The following LYSMD3 variants were observed in gnomAD, a reference collection of about 807,000 sequenced individuals.
LYSMD3 encodes LysM domain containing 3.
LYSMD3 carries 13 observed loss-of-function variants against 26.1 expected under a neutral mutation model. The observed-to-expected ratio is 0.50, with a 90% CI of 0.32 to 0.79. The LOEUF is 0.79. LYSMD3 is among the 30% of genes least tolerant of loss of function. The pLI is 0.03. For missense variants in LYSMD3, 331 were observed against 362.5 expected, an observed-to-expected ratio of 0.91 and a Z score of 0.71; for synonymous variants, 109 against 119.4, an observed-to-expected ratio of 0.91 and a Z score of 0.57.
chr5:90,523,336 G>A (rs1029669727), intron 2 of LYSMD3, among the ~76,000 whole-genome samples: 62 of 151,682 alleles, frequency 4.1e-4, no homozygotes, highest in African/African-American at 1.4e-3. Flanking sequence ...ATTGTGAATT[G>A]TAATAAGAAA....
rs745950907 is a variant in LYSMD3, at chr5:90,519,190, C to T, written c.550G>A (p.Glu184Lys). ...TGTGCTGTTAAGGCCGATACTACCT[C>T]ATTGAGGTTCTCTCTCTTATTGTCT... ...CTDNKRENLN[E>K]VVSALTAQQM... Residue 184 changes from glutamate to lysine, a missense_variant, in exon 3 of 3, where the codon GAG becomes AAG. Physicochemically the swap from Glu to Lys is moderately conservative, Grantham distance 56. Coordinates refer to ENST00000315948, the MANE Select transcript of LYSMD3 (RefSeq NM_198273.2). 4 of 1,613,906 alleles carry T rather than the reference C, an allele frequency of 2.5e-6. No individual in the cohort carries two copies. The highest frequency in any genetic ancestry group is 3.4e-6 in the Non-Finnish European group (4 of 1,179,978).
chr5:90,525,399 T>G (rs1291196646), intron 1 of LYSMD3, 99 bp from the exon 2 acceptor site: 17 of 1,192,168 alleles, frequency 1.4e-5, no homozygotes, highest in Non-Finnish European at 1.5e-5. Flanking sequence ...TTTGTTTTTG[T>G]TTTAATGGTT....
chr5:90,520,120 A>G (rs1753052790), intron 2 of LYSMD3, among the ~76,000 whole-genome samples: 1 of 152,116 alleles, frequency 6.6e-6, no homozygotes, highest in Non-Finnish European at 1.5e-5. Flanking sequence ...CTCAGTGTAA[A>G]TGCATTATTC....
Position 90,516,174 on chromosome 5 carries a change from A to C in LYSMD3, c.*2645T>G. 1 of 148,184 alleles carries C rather than the reference A, an allele frequency of 6.7e-6. No homozygotes were observed. The highest frequency in any genetic ancestry group is 1.9e-4 in the East Asian group (1 of 5,194). The allele number at this position is 148,184 out of a possible 1,614,324, so 9.2% of individuals were successfully genotyped here. A position where few individuals can be genotyped will look rare whatever the true frequency, so the allele number is the denominator to read the frequency against. On this transcript the variant is annotated 3_prime_UTR_variant, in exon 3 of 3. Coordinates refer to ENST00000315948, the MANE Select transcript of LYSMD3 (RefSeq NM_198273.2). ...AAAAGTCCTTTGGAGGAGATAATTTAACATGAGTCTTCTAATTTTTAATGT... is the reference window on the plus strand; with the variant it reads ...AAAAGTCCTTTGGAGGAGATAATTTCACATGAGTCTTCTAATTTTTAATGT...
intron 2 of LYSMD3, among the ~76,000 whole-genome samples, chr5:90,521,902 A>T (rs1173706560): frequency 6.6e-6 from 1 of 152,098 alleles, no homozygotes; most frequent in Non-Finnish European, 1.5e-5. Context: ...TACTTACTGT[A>T]TTTTTTAAAT....
At position 90,516,347 on chromosome 5, in the gene LYSMD3, T is replaced by C. The variant is rs934291855; in HGVS notation, c.*2472A>G. The C allele has an allele frequency of 6.6e-6, 1 of 152,158 alleles. No homozygotes were observed. Among genetic ancestry groups the C allele is most frequent in the Non-Finnish European group, 1.5e-5 (1 of 67,966 alleles). 9.4% of individuals were successfully genotyped at this position (152,158 alleles called of 1,614,324 possible). On this transcript the variant is annotated 3_prime_UTR_variant, in exon 3 of 3. Transcript: ENST00000315948. ...TTGTTTACTTGCTAACTCCAAAATT[T>C]TAAGTAAACCAAATGCAATGATTCT... is the stretch of plus-strand genomic sequence containing the variant.
Position 90,518,081 on chromosome 5 carries a change from C to T in LYSMD3, c.*738G>A, listed in dbSNP as rs1035034160. ...CAAAAGTGCTTTCAAATATCAGAGG[C>T]AAATATAATCATTTTAAAAACAGAT... On this transcript the variant is annotated 3_prime_UTR_variant, in exon 3 of 3. Coordinates refer to ENST00000315948, the MANE Select transcript of LYSMD3 (RefSeq NM_198273.2). 1.3e-5 allele frequency: 2 copies of T among 152,306 alleles called. No individual in the cohort carries two copies. The highest frequency in any genetic ancestry group is 2.9e-5 in the Non-Finnish European group (2 of 67,914). The allele number at this position is 152,306 out of a possible 1,614,324, so 9.4% of individuals were successfully genotyped here. A position where few individuals can be genotyped will look rare whatever the true frequency, so the allele number is the denominator to read the frequency against.
Position 90,515,826 on chromosome 5 carries a change from G to T in LYSMD3, c.*2993C>A, listed in dbSNP as rs1346955332. The T allele has an allele frequency of 6.6e-6, 1 of 152,126 alleles. No homozygotes were observed. Among genetic ancestry groups the T allele is most frequent in the Non-Finnish European group, 1.5e-5 (1 of 67,998 alleles). 9.4% of individuals were successfully genotyped at this position (152,126 alleles called of 1,614,324 possible). ...AATTAAAGCATTCAGATATTTCTAT[G>T]ATCTAACAGTGCAATATGCACATAC... On this transcript the variant is annotated 3_prime_UTR_variant, in exon 3 of 3. Coordinates refer to ENST00000315948, the MANE Select transcript of LYSMD3 (RefSeq NM_198273.2).
At chr5:90,524,886 C>T in intron 2 of LYSMD3, 149 bp downstream of exon 2, 1 of 774,260 alleles carries the variant, frequency 1.3e-6, no homozygotes. Flanking sequence ...GCCACCGCGC[C>T]CAGCCCATGT....
Position 90,519,491 on chromosome 5 carries a change from G to GA in LYSMD3, c.256-8_256-7insT. ...CTCTCTTGATATCTGCTACCTGTGGGGGGGAAAAAAAAGCAACATACAACT... is the reference window on the plus strand; with the variant it reads ...CTCTCTTGATATCTGCTACCTGTGGGAGGGGAAAAAAAAGCAACATACAACT... On this transcript the variant is annotated splice_polypyrimidine_tract_variant and splice_region_variant and intron_variant, in intron 2 of 2. Coordinates refer to ENST00000315948, the MANE Select transcript of LYSMD3 (RefSeq NM_198273.2). 1 of 1,544,910 alleles carries GA rather than the reference G, an allele frequency of 6.5e-7. No homozygotes were observed. Among genetic ancestry groups the GA allele is most frequent in the Non-Finnish European group, 8.7e-7 (1 of 1,150,690 alleles).
chr5:90,521,680 C>T (rs1561266795), intron 2 of LYSMD3, among the ~76,000 whole-genome samples: 1 of 151,722 alleles, frequency 6.6e-6, no homozygotes, highest in Admixed American at 6.6e-5. Context: ...CTAATAACTA[C>T]TTAATACTCT....
At chr5:90,523,042 T>C (rs1250614478) in intron 2 of LYSMD3, among the ~76,000 whole-genome samples, 1 of 152,178 alleles carries the variant, frequency 6.6e-6, no homozygotes, top group Non-Finnish European at 1.5e-5. Context: ...TTTTTTAGCC[T>C]TGTGTCTCAT....
chr5:90,524,118 A>T (rs990330910), intron 2 of LYSMD3, among the ~76,000 whole-genome samples: 6 of 152,194 alleles, frequency 3.9e-5, no homozygotes, highest in Admixed American at 2.6e-4. Flanking sequence ...GAAAATCCTG[A>T]GTATCAATTA....
intron 2 of LYSMD3, among the ~76,000 whole-genome samples, 164 bp downstream of exon 2, chr5:90,524,871 C>T (rs1753179453): frequency 6.6e-6 from 1 of 152,106 alleles, no homozygotes; most frequent in African/African-American, 2.4e-5. Context: ...GGATTACAGG[C>T]GTGAGCCACC....
At position 90,525,069 on chromosome 5, in the gene LYSMD3, G is replaced by A. The variant is rs750935685; in HGVS notation, c.221C>T (p.Thr74Ile). The stretch of plus-strand genomic sequence containing the variant: ...GTACTGAAGGGCTATTGCATTTAAT[G>A]TATCTCCTTCTTGTATATCTTTTGT... ...VLTKDIQEGD[T>I]LNAIALQYCC... Residue 74 changes from threonine to isoleucine, a missense_variant, in exon 2 of 3, where the codon ACA becomes ATA. Physicochemically the swap from Thr to Ile is moderately conservative, Grantham distance 89 (BLOSUM62 -1). Coordinates refer to ENST00000315948, the MANE Select transcript of LYSMD3 (RefSeq NM_198273.2). 1 of 1,611,454 alleles carries A rather than the reference G, an allele frequency of 6.2e-7. No individual in the cohort carries two copies. The highest frequency in any genetic ancestry group is 8.5e-7 in the Non-Finnish European group (1 of 1,178,080).
rs1294428569 is a variant in LYSMD3 at position 90,515,911 on chromosome 5, C to T, written c.*2908G>A. On this transcript the variant is annotated 3_prime_UTR_variant, in exon 3 of 3. Transcript: ENST00000315948. ...TTGTAATGCAAATTAAAAATGAATC[C>T]ATCAGTGCACCATTTAAATACAGAC... 2 of 152,166 alleles carry T rather than the reference C, an allele frequency of 1.3e-5. No homozygotes were observed. The highest frequency in any genetic ancestry group is 4.1e-4 in the South Asian group (2 of 4,830). 9.4% of individuals were successfully genotyped at this position (152,166 alleles called of 1,614,324 possible).
At position 90,517,043 on chromosome 5, in the gene LYSMD3, G is replaced by A. The variant is rs1016119194; in HGVS notation, c.*1776C>T. 1.4e-4 allele frequency: 21 copies of A among 152,390 alleles called. No individual in the cohort carries two copies. The highest frequency in any genetic ancestry group is 4.8e-4 in the African/African-American group (20 of 41,440). The allele number at this position is 152,390 out of a possible 1,614,324, so 9.4% of individuals were successfully genotyped here. A position where few individuals can be genotyped will look rare whatever the true frequency, so the allele number is the denominator to read the frequency against. ...AGACTTAATAAATACAATGTAAAAT[G>A]ACCAGTTAACACTAAGCATAAATTA... On this transcript the variant is annotated 3_prime_UTR_variant, in exon 3 of 3. Coordinates refer to ENST00000315948, the MANE Select transcript of LYSMD3 (RefSeq NM_198273.2).
chr5:90,522,221 T>G (rs977347734), intron 2 of LYSMD3, among the ~76,000 whole-genome samples: 1 of 152,208 alleles, frequency 6.6e-6, no homozygotes, highest in Non-Finnish European at 1.5e-5. Flanking sequence ...TCCAGCCATG[T>G]GAAAATGCCT....
rs147656464 is a variant in LYSMD3, at chr5:90,521,241, T to A, written c.256-1757A>T. 8.2e-3 allele frequency among the ~76,000 whole-genome samples: 1,254 copies of A among 152,198 alleles called. 10 individuals carry two copies. Among genetic ancestry groups the A allele is most frequent in the Non-Finnish European group, 0.013 (867 of 68,008 alleles). On this transcript the variant is annotated intron_variant, in intron 2 of 2. Coordinates refer to ENST00000315948, the MANE Select transcript of LYSMD3 (RefSeq NM_198273.2). ...TAATAATACTACCTACATTATAGGG[T>A]TGAGGTGAACATTAATGATTTAAAT... is the stretch of plus-strand genomic sequence containing the variant.
Sources: allele counts gnomAD v4.1 joint callset (sites outside exome capture counted in the v4.1 genomes callset), GRCh38; gene constraint gnomAD v4.1.1; transcripts MANE v1.5; gene names NCBI Gene and HGNC (gene_info 2026-07-23, HGNC 2026-07-21).